The following FBN1 variants were observed in gnomAD, a reference collection of about 807,000 sequenced individuals.
The protein encoded by FBN1 is fibrillin-1.
A neutral mutation model predicts 365.1 loss-of-function variants in FBN1; 29 were observed. The observed-to-expected ratio is 0.08, with a 90% confidence interval of 0.06 to 0.11. The LOEUF (loss-of-function observed/expected upper bound fraction) is 0.11. FBN1 is among the 10% of genes least tolerant of loss of function. The pLI, the probability that FBN1 is intolerant of heterozygous loss-of-function variation, is 1.00. For synonymous variants in FBN1, 1,210 were observed against 1,270.5 expected, an observed-to-expected ratio of 0.95 and a Z score of 1.01; for missense variants, 2,476 against 3,703.2, an observed-to-expected ratio of 0.67 and a Z score of 8.60.
Position 48,474,426 on chromosome 15 carries a change from A to G in FBN1, c.4088-49T>C, listed in dbSNP as rs1421889550. 3 of 1,612,870 alleles carry G rather than the reference A, an allele frequency of 1.9e-6. No individual in the cohort carries two copies. The Admixed American group carries it at 5.0e-5, about 27-fold the overall frequency. On this transcript the variant is annotated intron_variant, in intron 33 of 65. Coordinates refer to ENST00000316623, the MANE Select transcript of FBN1 (RefSeq NM_000138.5). ...TATTAACAGAAAGGGTGGTATTTAA[A>G]ACCAATAATACACAAATTAAAATAA...
intron 7 of FBN1, among the ~76,000 whole-genome samples, chr15:48,535,155 T>G (rs1423530794): frequency 1.3e-5 from 2 of 152,190 alleles, no homozygotes; most frequent in Non-Finnish European, 2.9e-5. Context: ...CAATGCCACT[T>G]TAGCCACGAG....
In FBN1 at chr15:48,443,568, T is replaced by C. The variant is rs140192442; in HGVS notation, c.6037+973A>G. 1.3e-3 allele frequency among the ~76,000 whole-genome samples: 194 copies of C among 152,318 alleles called. 1 individual carries two copies. Among genetic ancestry groups the C allele is most frequent in the African/African-American group, 4.4e-3 (181 of 41,574 alleles). ...TGTTTCCATTTTAAATATCACCACT[T>C]GATTGTTACTTAAATTGGATATATA... On this transcript the variant is annotated intron_variant, in intron 49 of 65. Transcript: ENST00000316623.
chr15:48,589,411 A>C (rs1015727154), intron 6 of FBN1, among the ~76,000 whole-genome samples: 5 of 152,108 alleles, frequency 3.3e-5, no homozygotes, highest in African/African-American at 9.7e-5. Context: ...ACAGAGGAGC[A>C]TGTGTGCCCT....
At chr15:48,429,084 A>C (rs1190250091) in intron 56 of FBN1, among the ~76,000 whole-genome samples, 1 of 152,158 alleles carries the variant, frequency 6.6e-6, no homozygotes, top group African/African-American at 2.4e-5. Flanking sequence ...TTAAACATAG[A>C]TGGTAGCATT....
intron 6 of FBN1, among the ~76,000 whole-genome samples, chr15:48,549,843 A>G (rs536876711): frequency 1.3e-5 from 2 of 152,240 alleles, no homozygotes; most frequent in South Asian, 4.2e-4. Flanking sequence ...ACAGACAAAA[A>G]AACGACTCCA....
intron 29 of FBN1, among the ~76,000 whole-genome samples, chr15:48,486,129 CAGG>C (rs751232201): frequency 1.3e-5 from 2 of 152,182 alleles, no homozygotes; most frequent in Non-Finnish European, 2.9e-5. Flanking sequence ...ATTTGCAATG[CAGG>C]AGAAGTATTG....
At position 48,432,374 on chromosome 15, in the gene FBN1, T is replaced by C. The variant is rs531945409; in HGVS notation, c.6739+492A>G. ...AGAGCCTAGTTCAGTGCTTAGGAAA[T>C]TGCAGGTGTTCAGGAGGTATTTTTA... On this transcript the variant is annotated intron_variant, in intron 55 of 65. Coordinates refer to ENST00000316623, the MANE Select transcript of FBN1 (RefSeq NM_000138.5). 3.2e-4 allele frequency among the ~76,000 whole-genome samples: 48 copies of C among 152,308 alleles called. 1 individual carries two copies. The highest frequency in any genetic ancestry group is 8.9e-4 in the African/African-American group (37 of 41,566).
intron 5 of FBN1, among the ~76,000 whole-genome samples, chr15:48,598,193 G>A (rs926164046): frequency 5.3e-5 from 8 of 152,112 alleles, no homozygotes; most frequent in Non-Finnish European, 1.2e-4. Flanking sequence ...AGACTGCTTG[G>A]GTTCCAACCC....
At chr15:48,436,268 A>T (rs2043071193) in intron 53 of FBN1, among the ~76,000 whole-genome samples, 3 of 152,202 alleles carry the variant, frequency 2.0e-5, no homozygotes, top group Admixed American at 1.3e-4. Flanking sequence ...AAAGCTAAAA[A>T]AACTGCTTAA....
intron 8 of FBN1, among the ~76,000 whole-genome samples, chr15:48,533,437 C>T (rs1310786340): frequency 1.3e-5 from 2 of 152,190 alleles, no homozygotes; most frequent in Non-Finnish European, 2.9e-5. Flanking sequence ...GGCCTCATTT[C>T]GGCAAAGAGC....
chr15:48,550,964 TG>T (rs1269354903), intron 6 of FBN1, among the ~76,000 whole-genome samples: 1 of 151,386 alleles, frequency 6.6e-6, no homozygotes, highest in Admixed American at 6.6e-5. Context: ...CAAGTATTTA[TG>T]AATGAATGAA....
intron 58 of FBN1, 119 bp from the exon 59 acceptor site, chr15:48,425,983 A>G (rs866904326): frequency 6.5e-6 from 5 of 773,966 alleles, no homozygotes; most frequent in Middle Eastern, 6.3e-4. Flanking sequence ...GGCCTAAGAA[A>G]TTAAACCAGT....
intron 18 of FBN1, among the ~76,000 whole-genome samples, chr15:48,497,690 G>A (rs1249984210): frequency 6.6e-6 from 1 of 152,026 alleles, no homozygotes; most frequent in Non-Finnish European, 1.5e-5. Context: ...GCACCAAGAT[G>A]GAAAAATGGA....
chr15:48,634,051 G>A (rs919560900), intron 2 of FBN1, among the ~76,000 whole-genome samples: 3 of 152,110 alleles, frequency 2.0e-5, no homozygotes, highest in African/African-American at 7.2e-5. Context: ...GAAGATATAA[G>A]CCATAATTTC....
At position 48,415,739 on chromosome 15, in the gene FBN1, G is replaced by A. The variant is rs138184493; in HGVS notation, c.7848C>T (p.Ile2616=). ...VDENECLSAH[I]CGGASCHNTL... ...TGTTGTGACAGGAGGCTCCTCCGCAGATGTGAGCGCTGAGGCATTCGTTTT... is the reference window on the plus strand; with the variant it reads ...TGTTGTGACAGGAGGCTCCTCCGCAAATGTGAGCGCTGAGGCATTCGTTTT... Residue 2616 remains isoleucine (I), a synonymous_variant, in exon 64 of 66, where the codon ATC becomes ATT. Coordinates refer to ENST00000316623, the MANE Select transcript of FBN1 (RefSeq NM_000138.5). 1.2e-6 allele frequency: 2 copies of A among 1,614,238 alleles called. No individual in the cohort carries two copies. The highest frequency in any genetic ancestry group is 3.3e-5 in the Admixed American group (2 of 60,034).
chr15:48,478,219 A>G (rs1371163579), intron 32 of FBN1, among the ~76,000 whole-genome samples: 2 of 152,194 alleles, frequency 1.3e-5, no homozygotes, highest in South Asian at 2.1e-4. Flanking sequence ...AGCCAACACT[A>G]TTAACTGAAC....
chr15:48,630,016 A>G (rs1291015753), intron 2 of FBN1, among the ~76,000 whole-genome samples: 1 of 152,230 alleles, frequency 6.6e-6, no homozygotes, highest in Non-Finnish European at 1.5e-5. Flanking sequence ...AAGTGTTCCT[A>G]CTAAGTATCC....
In FBN1 at chr15:48,429,290, T is replaced by C. The variant is rs987675211; in HGVS notation, c.6872-819A>G. On this transcript the variant is annotated intron_variant, in intron 56 of 65. Coordinates refer to ENST00000316623, the MANE Select transcript of FBN1 (RefSeq NM_000138.5). ...ATCTGGGGGAGTTTGTCTAGATTAA[T>C]CTTCAGATTAACCTAGATTATATCT... Among the ~76,000 whole-genome samples the C allele has an allele frequency of 5.3e-5, 8 of 152,350 alleles. No homozygotes were observed. The South Asian group carries it at 6.2e-4, about 12-fold the overall frequency.
At position 48,534,146 on chromosome 15, in the gene FBN1, C is replaced by G; in HGVS notation, c.796G>C (p.Val266Leu). Residue 266 changes from valine (V) to leucine (L), a missense_variant, in exon 8 of 66, where the codon GTT becomes CTT. This residue lies in a region of FBN1 where 421 missense variants were observed against 520.1 expected (regional missense o/e 0.81). Coordinates refer to ENST00000316623, the MANE Select transcript of FBN1 (RefSeq NM_000138.5). Reference protein sequence around the residue: ...LCQGGNCINTVGSFECKCPAG... With the variant: ...LCQGGNCINTLGSFECKCPAG... The stretch of plus-strand genomic sequence containing the variant: ...GGGCATTTGCACTCAAAAGACCCAA[C>G]AGTATTAATGCAATTTCCTCCCTGA... 3 of 1,613,386 alleles carry G rather than the reference C, an allele frequency of 1.9e-6. No individual in the cohort carries two copies. The highest frequency in any genetic ancestry group is 2.5e-6 in the Non-Finnish European group (3 of 1,179,856).
Sources: allele counts gnomAD v4.1 joint callset (sites outside exome capture counted in the v4.1 genomes callset), GRCh38; gene constraint gnomAD v4.1.1; regional missense constraint gnomAD v4.1.1; transcripts MANE v1.5; gene names NCBI Gene and HGNC (gene_info 2026-07-23, HGNC 2026-07-21).